EHMT2: variants seen among roughly 807,000 people sequenced by gnomAD.
EHMT2 encodes euchromatic histone lysine methyltransferase 2, also known as histone-lysine N-methyltransferase EHMT2.
In EHMT2, 59 loss-of-function variants were observed where a neutral mutation model predicts 143.3. That is an observed-to-expected ratio of 0.41 (90% CI 0.33 to 0.51). The LOEUF (loss-of-function observed/expected upper bound fraction) is 0.51. Ranked by LOEUF, EHMT2 falls within the 20% of genes least tolerant of loss-of-function variation. The pLI is 0.18. For synonymous variants in EHMT2, 604 were observed against 651.5 expected (o/e 0.93, Z 1.11); for missense variants, 1,174 against 1,645.9 (o/e 0.71, Z 4.96).
chr6:31,880,289 T>A lies in EHMT2; in HGVS notation c.3453-25A>T. On this transcript the variant is annotated intron_variant, in intron 27 of 27. Coordinates refer to ENST00000375537, the Ensembl canonical transcript of EHMT2. The surrounding 1 kb of genome is among the most constrained non-coding windows in gnomAD (Gnocchi z 6.6). ...CCTGTCAGAGGAAAACAGGAGCTTG[T>A]GGGACCTGGACCCAGCCACCAAGAG... 6.2e-7 allele frequency: 1 copy of A among 1,603,296 alleles called. No individual in the cohort carries two copies. The highest frequency in any genetic ancestry group is 8.5e-7 in the Non-Finnish European group (1 of 1,172,348).
chr6:31,892,378 G>C (rs1765804089), intron 7 of EHMT2, 29 bp downstream of exon 7: 16 of 1,604,842 alleles, frequency 1.0e-5, no homozygotes, highest in Non-Finnish European at 1.0e-5. Context: ...GGGAGCACCG[G>C]CGGGGAGGGC....
At chr6:31,892,266 G>A in intron 7 of EHMT2, 141 bp downstream of exon 7, 1 of 973,484 alleles carries the variant, frequency 1.0e-6, no homozygotes, top group Non-Finnish European at 1.5e-6. Context: ...AGGAGTTATA[G>A]ACAGCATGGG....
Position 31,888,245 on chromosome 6 carries a change from CG to C in EHMT2, c.1540del (p.Arg514ValfsTer14). 6.2e-7 allele frequency: 1 copy of C among 1,612,938 alleles called. No individual in the cohort carries two copies. The highest frequency in any genetic ancestry group is 8.5e-7 in the Non-Finnish European group (1 of 1,179,950). On this transcript the variant is annotated frameshift_variant, in exon 13 of 28. Transcript: ENST00000375537. LOFTEE classifies it high-confidence loss of function. This position sits in a 1 kb window ranked among gnomAD's most constrained non-coding sequence, Gnocchi z 7.4. ...GGCCTTGTGGAAGCGGTGGGCCACA[CG>C]GAAGTCAGGGTGGCACTCCAGGAAG...
Position 31,884,478 on chromosome 6 carries a change from G to A in EHMT2, c.2685C>T (p.Ser895=), listed in dbSNP as rs376457490. The A allele has an allele frequency of 2.3e-4, 372 of 1,612,972 alleles. No homozygotes were observed. Among genetic ancestry groups the A allele is most frequent in the Non-Finnish European group, 3.0e-4 (350 of 1,180,022 alleles). Residue 895 remains serine, a synonymous_variant, in exon 21 of 28, where the codon TCC becomes TCT. Transcript: ENST00000375537. The surrounding 1 kb of genome is among the most constrained non-coding windows in gnomAD (Gnocchi z 7.3). ...TGAGTTGAAGCGCAAACCACACGTC[G>A]GAGCGCTCGGGAGTCAGGTCCCATG...
At chr6:31,897,582 T>C in intron 1 of EHMT2, 54 bp downstream of exon 1, 1 of 1,109,726 alleles carries the variant, frequency 9.0e-7, no homozygotes, top group Non-Finnish European at 1.1e-6. Context: ...GGCGCGCGCT[T>C]CCCCCGGGCG....
At position 31,896,633 on chromosome 6, in the gene EHMT2, C is replaced by T. The variant is rs149384831; in HGVS notation, c.301G>A (p.Asp101Asn). The T allele has an allele frequency of 3.6e-3, 5,706 of 1,586,518 alleles. 69 individuals carry two copies. The highest frequency in any genetic ancestry group is 0.029 in the South Asian group (2,542 of 86,454). ...AGCAGGATCCGGCCCCCACGGAGGT[C>T]CCCATCTCCCTCAAGATTCTCAGAT... is the stretch of plus-strand genomic sequence containing the variant. Residue 101 changes from aspartate (D) to asparagine (N), a missense_variant, in exon 3 of 28, where the codon GAC (aspartate) becomes AAC (asparagine). By Grantham distance (23) the Asp-to-Asn change is conservative. This residue lies in a region of EHMT2 where 399 missense variants were observed against 404.4 expected (regional missense o/e 0.99). Coordinates refer to ENST00000375537, the Ensembl canonical transcript of EHMT2.
At position 31,880,693 on chromosome 6, in the gene EHMT2, G is replaced by T. The variant is rs993506840; in HGVS notation, c.3432C>A (p.Ile1144=). 3.1e-6 allele frequency: 5 copies of T among 1,613,610 alleles called. No homozygotes were observed. The African/African-American group carries it at 5.3e-5, about 17-fold the overall frequency. ...CTCACCCTAGCTCCTCCCCAGTCCGGATGTCTCGGGAACTGAAGAAGGCGA... is the reference window on the plus strand; with the variant it reads ...CTCACCCTAGCTCCTCCCCAGTCCGTATGTCTCGGGAACTGAAGAAGGCGA... The change falls in exon 27 of 28, where the codon ATC becomes ATA. Residue 1144 remains isoleucine, a synonymous_variant. Transcript: ENST00000375537. This position sits in a 1 kb window ranked among gnomAD's most constrained non-coding sequence, Gnocchi z 6.6.
exon 6 of EHMT2, chr6:31,892,715 C>G: frequency 6.2e-7 from 1 of 1,613,124 alleles, no homozygotes. Context: ...CTGAGTTCAG[C>G]TTCCTCCTTT....
chr6:31,893,342 A>G, intron 4 of EHMT2: 1 of 448,378 alleles, frequency 2.2e-6, no homozygotes, highest in South Asian at 1.6e-5. Context: ...TTTTTAAGAG[A>G]TAAGGTCTCA....
chr6:31,896,886 T>G, intron 2 of EHMT2, 37 bp downstream of exon 2: 1 of 1,611,114 alleles, frequency 6.2e-7, no homozygotes, highest in Non-Finnish European at 8.5e-7. Context: ...TTAGGGAAGG[T>G]GACGGTCCAA....
rs1764135889 is a variant in EHMT2, at chr6:31,881,751, G to A, written c.3198-659C>T. 6.6e-6 allele frequency among the ~76,000 whole-genome samples: 1 copy of A among 152,200 alleles called. No individual in the cohort carries two copies. Among genetic ancestry groups the A allele is most frequent in the Non-Finnish European group, 1.5e-5 (1 of 68,034 alleles). ...AGAGAAGTTGAGAGATGACATGATG[G>A]AAAGAAACTGGATGGTCTGTTGAAC... On this transcript the variant is annotated intron_variant, in intron 25 of 27. Coordinates refer to ENST00000375537, the Ensembl canonical transcript of EHMT2. This position sits in a 1 kb window ranked among gnomAD's most constrained non-coding sequence, Gnocchi z 4.8.
chr6:31,891,772 A>G (rs1765714250), intron 7 of EHMT2, among the ~76,000 whole-genome samples: 1 of 152,266 alleles, frequency 6.6e-6, no homozygotes, highest in Admixed American at 6.5e-5. Flanking sequence ...TATAAACAGC[A>G]TAACGTATGT....
exon 16 of EHMT2, chr6:31,886,995 C>T: frequency 6.2e-7 from 1 of 1,613,920 alleles, no homozygotes; most frequent in Non-Finnish European, 8.5e-7. Flanking sequence ...CCGTGCTGAC[C>T]TGCAGCAGCA....
At chr6:31,896,666 C>G in exon 3 of EHMT2, 2 of 1,603,108 alleles carry the variant, frequency 1.2e-6, no homozygotes, top group South Asian at 1.1e-5. Flanking sequence ...GATTCATCCC[C>G]AATGAGTGGT....
Position 31,880,097 on chromosome 6 carries a change from G to A in EHMT2, c.3620C>T (p.Pro1207Leu), listed in dbSNP as rs765396655. Residue 1207 changes from proline (P) to leucine (L), a missense_variant, in exon 28 of 28, where the codon CCT becomes CTT. Pro to Leu is a moderately conservative substitution (Grantham distance 98). Around this residue, in one of 6 missense-constraint regions of EHMT2, gnomAD observed 42 missense variants for 45.1 expected, o/e 0.93. Coordinates refer to ENST00000375537, the Ensembl canonical transcript of EHMT2. This position sits in a 1 kb window ranked among gnomAD's most constrained non-coding sequence, Gnocchi z 6.6. Reference sequence around the variant, plus strand: ...TGTGGTCCGTTCTCATGTGTTGACAGGGGGCAGGGAGCCGAGCTCGGGCAG... The same window carrying A: ...TGTGGTCCGTTCTCATGTGTTGACAAGGGGCAGGGAGCCGAGCTCGGGCAG... 6.2e-6 allele frequency: 10 copies of A among 1,612,468 alleles called. No individual in the cohort carries two copies. Among genetic ancestry groups the A allele is most frequent in the South Asian group, 4.4e-5 (4 of 91,056 alleles).
At chr6:31,890,345 C>T (rs1765525039) in intron 7 of EHMT2, among the ~76,000 whole-genome samples, 1 of 152,066 alleles carries the variant, frequency 6.6e-6, no homozygotes, top group Non-Finnish European at 1.5e-5. Flanking sequence ...CAACCTCCAC[C>T]TCCTGGATTC....
chr6:31,885,212 T>C, intron 18 of EHMT2, 196 bp from the exon 19 acceptor site: 1 of 646,154 alleles, frequency 1.5e-6, no homozygotes, highest in South Asian at 2.5e-5. Context: ...GCGCGGTGGC[T>C]CATGCCTGTA....
At position 31,884,422 on chromosome 6, in the gene EHMT2, C is replaced by T. The variant is rs781345814; in HGVS notation, c.2741G>A (p.Arg914Gln). ...GATGATCTTCTCTGTGCGGATGGCC[C>T]GATTTCCCACCCCAAGTCGGAGCTT... Residue 914 changes from arginine (R) to glutamine (Q), a missense_variant, in exon 21 of 28, where the codon CGG (arginine) becomes CAG (glutamine). This residue lies in a region of EHMT2 where 608 missense variants were observed against 903.7 expected (regional missense o/e 0.67). Transcript: ENST00000375537. This position sits in a 1 kb window ranked among gnomAD's most constrained non-coding sequence, Gnocchi z 7.3. 10 of 1,612,652 alleles carry T rather than the reference C, an allele frequency of 6.2e-6. No homozygotes were observed. In the South Asian group the frequency reaches 7.7e-5, roughly 12 times the overall value.
In EHMT2 at chr6:31,888,809, C is replaced by T. The variant is rs918417759; in HGVS notation, c.1217-62G>A. On this transcript the variant is annotated intron_variant, in intron 10 of 27. Coordinates refer to ENST00000375537, the Ensembl canonical transcript of EHMT2. This position sits in a 1 kb window ranked among gnomAD's most constrained non-coding sequence, Gnocchi z 7.4. ...GCACCTCACCTACTGGGACCCCTGG[C>T]GGGTCCTCTCACTCCCTCCCTACCC... The T allele has an allele frequency of 1.8e-5, 29 of 1,584,316 alleles. No homozygotes were observed. The highest frequency in any genetic ancestry group is 2.1e-4 in the Middle Eastern group (1 of 4,718).
Sources: gnomAD v4.1 joint callset for allele counts (sites outside exome capture counted in the v4.1 genomes callset) on GRCh38, gnomAD v4.1.1 for gene constraint, gnomAD v4.1.1 regional missense constraint, Gnocchi (gnomAD v3.1) non-coding constraint, MANE v1.5 for transcripts, NCBI Gene and HGNC (gene_info 2026-07-23, HGNC 2026-07-21) for gene names.